SSBP3: variants seen among roughly 807,000 people sequenced by gnomAD.
SSBP3 encodes single-stranded DNA-binding protein 3.
Under a neutral mutation model 69.6 loss-of-function variants are expected in SSBP3, and 5 were observed. The ratio of observed to expected loss-of-function variants is 0.07; its 90% CI spans 0.04 to 0.15. The LOEUF (loss-of-function observed/expected upper bound fraction) is 0.15. Ranked by LOEUF, SSBP3 falls within the 10% of genes least tolerant of loss-of-function variation. The pLI, the probability that SSBP3 is intolerant of heterozygous loss-of-function variation, is 1.00. For synonymous variants in SSBP3, 196 were observed against 193.4 expected (o/e 1.01, Z -0.11); for missense variants, 312 against 534.0 (o/e 0.58, Z 4.10).
intron 4 of SSBP3, among the ~76,000 whole-genome samples, chr1:54,333,824 G>A (rs979122960): frequency 1.3e-5 from 2 of 152,148 alleles, no homozygotes. Flanking sequence ...CAGCTTCTAC[G>A]GCAGCTGAGG....
intron 4 of SSBP3, among the ~76,000 whole-genome samples, chr1:54,297,502 C>G (rs1645723415): frequency 6.6e-6 from 1 of 152,120 alleles, no homozygotes; most frequent in African/African-American, 2.4e-5. Context: ...GTGGTGGTGC[C>G]TGCCTGTAAT....
chr1:54,306,818 A>C (rs1645909791), intron 4 of SSBP3, among the ~76,000 whole-genome samples: 3 of 152,038 alleles, frequency 2.0e-5, no homozygotes, highest in African/African-American at 4.8e-5. Flanking sequence ...AATTTTTTTA[A>C]ATAAAAAAGC....
At chr1:54,265,607 G>A (rs1557476361) in intron 5 of SSBP3, among the ~76,000 whole-genome samples, 1 of 152,182 alleles carries the variant, frequency 6.6e-6, no homozygotes, top group Non-Finnish European at 1.5e-5. Context: ...AGGACAAGGA[G>A]AGGGCTGGGT....
intron 4 of SSBP3, among the ~76,000 whole-genome samples, chr1:54,305,889 C>A (rs1041952863): frequency 6.7e-6 from 1 of 149,722 alleles, no homozygotes; most frequent in Admixed American, 6.7e-5. Context: ...AGTTTCACCC[C>A]AAGCCCAGTC....
At chr1:54,289,701 G>GT (rs1165250122) in intron 4 of SSBP3, among the ~76,000 whole-genome samples, 1 of 152,116 alleles carries the variant, frequency 6.6e-6, no homozygotes, top group Non-Finnish European at 1.5e-5. Flanking sequence ...TGATACAGGG[G>GT]TGAGAGATTA....
At chr1:54,251,809 G>T (rs1460418896) in exon 8 of SSBP3, 2 of 1,611,824 alleles carry the variant, frequency 1.2e-6, no homozygotes, top group Non-Finnish European at 1.7e-6. Context: ...TGTCGTGTGG[G>T]ATCCATAGAA....
intron 13 of SSBP3, among the ~76,000 whole-genome samples, chr1:54,240,048 GT>G (rs1644581567): frequency 2.7e-5 from 1 of 36,742 alleles, no homozygotes; most frequent in Non-Finnish European, 7.1e-5. Flanking sequence ...TTGTGATGGG[GT>G]GTGTGTGTGT....
At chr1:54,333,399 A>G (rs1646454694) in intron 4 of SSBP3, among the ~76,000 whole-genome samples, 1 of 152,036 alleles carries the variant, frequency 6.6e-6, no homozygotes, top group Non-Finnish European at 1.5e-5. Context: ...GACAGCCATC[A>G]TCCTGCCAAA....
intron 14 of SSBP3, among the ~76,000 whole-genome samples, chr1:54,232,449 CAT>C (rs1644396549): frequency 6.6e-6 from 1 of 152,074 alleles, no homozygotes; most frequent in African/African-American, 2.4e-5. Context: ...TAAAATAAAA[CAT>C]AGGCCAAGCA....
intron 5 of SSBP3, among the ~76,000 whole-genome samples, chr1:54,273,329 G>T (rs1645228208): frequency 6.6e-6 from 1 of 152,092 alleles, no homozygotes; most frequent in African/African-American, 2.4e-5. Flanking sequence ...CGTGCACACA[G>T]GCATGCGTGC....
chr1:54,251,489 G>T, intron 9 of SSBP3, 127 bp downstream of exon 9: 1 of 1,037,572 alleles, frequency 9.6e-7, no homozygotes, highest in Non-Finnish European at 1.4e-6. Flanking sequence ...CAGGGGATGC[G>T]GCCATGCCCT....
intron 10 of SSBP3, chr1:54,242,986 A>G: frequency 2.0e-6 from 1 of 502,146 alleles, no homozygotes; most frequent in South Asian, 3.7e-5. Context: ...TCATCGCGTC[A>G]TAGGGTAATC....
chr1:54,263,074 G>T (rs563554020), intron 5 of SSBP3, among the ~76,000 whole-genome samples: 2 of 152,350 alleles, frequency 1.3e-5, no homozygotes, highest in African/African-American at 4.8e-5. Flanking sequence ...GAGCCACTTA[G>T]GCAGGGCCCA....
intron 5 of SSBP3, among the ~76,000 whole-genome samples, chr1:54,260,465 C>T (rs1199914208): frequency 3.9e-5 from 6 of 152,334 alleles, no homozygotes; most frequent in Admixed American, 6.5e-5. Flanking sequence ...CACCCAAGGG[C>T]GTGTGGCGCA....
chr1:54,317,529 T>C (rs1359897544), intron 4 of SSBP3, among the ~76,000 whole-genome samples: 1 of 148,664 alleles, frequency 6.7e-6, no homozygotes, highest in African/African-American at 2.5e-5. Flanking sequence ...AGAGCGAGAC[T>C]CTCAAAAAAA....
chr1:54,368,815 T>C (rs1346544707), intron 4 of SSBP3, among the ~76,000 whole-genome samples: 1 of 152,170 alleles, frequency 6.6e-6, no homozygotes, highest in Non-Finnish European at 1.5e-5. Flanking sequence ...CAGGGAGGCC[T>C]GGGGGCCCCC....
At chr1:54,254,171 G>A (rs1313309988) in intron 7 of SSBP3, among the ~76,000 whole-genome samples, 3 of 152,236 alleles carry the variant, frequency 2.0e-5, no homozygotes, top group African/African-American at 7.2e-5. Context: ...GGCCTACAGG[G>A]GAGCGAGTTG....
intron 4 of SSBP3, among the ~76,000 whole-genome samples, chr1:54,337,613 T>C (rs1487836134): frequency 6.7e-6 from 1 of 148,946 alleles, no homozygotes; most frequent in Non-Finnish European, 1.5e-5. Flanking sequence ...GCGATTCCCT[T>C]GCCTCATGAG....
chr1:54,350,808 G>A (rs1228600637), intron 4 of SSBP3, among the ~76,000 whole-genome samples: 1 of 151,970 alleles, frequency 6.6e-6, no homozygotes, highest in East Asian at 1.9e-4. Context: ...CAAGAGTCTG[G>A]ACACAGAAAT....
Sources: allele counts gnomAD v4.1 joint callset (sites outside exome capture counted in the v4.1 genomes callset), GRCh38; gene constraint gnomAD v4.1.1; transcripts MANE v1.5; gene names NCBI Gene and HGNC (gene_info 2026-07-23, HGNC 2026-07-21).